The following DGLUCY variants were observed in gnomAD, a reference collection of about 807,000 sequenced individuals.
DGLUCY encodes the protein D-glutamate cyclase.
In DGLUCY, 58 loss-of-function variants were observed where a neutral mutation model predicts 58.5. That is an observed-to-expected ratio of 0.99 (90% CI 0.80 to 1.23). DGLUCY has a LOEUF of 1.23. DGLUCY is among the 50% of genes most tolerant of loss of function. DGLUCY has a pLI of 0.00. For synonymous variants in DGLUCY, 325 were observed against 314.1 expected, an observed-to-expected ratio of 1.03 and a Z score of -0.37; for missense variants, 779 against 784.7, an observed-to-expected ratio of 0.99 and a Z score of 0.09.
intron 1 of DGLUCY, among the ~76,000 whole-genome samples, chr14:91,123,608 A>G (rs1176942930): frequency 6.6e-6 from 1 of 152,062 alleles, no homozygotes; most frequent in Admixed American, 6.6e-5. Context: ...TTTTTTCAAG[A>G]CAGGGTCTCA....
intron 11 of DGLUCY, among the ~76,000 whole-genome samples, chr14:91,204,007 A>G (rs1183496331): frequency 2.7e-5 from 4 of 150,848 alleles, no homozygotes; most frequent in African/African-American, 7.3e-5. Flanking sequence ...ATACAAGGGT[A>G]GAGGTATCTG....
In DGLUCY at chr14:91,216,105, G is replaced by T. The variant is rs146282233; in HGVS notation, c.1716+549G>T. 6.8e-4 allele frequency: 151 copies of T among 222,910 alleles called. 1 individual carries two copies. Among genetic ancestry groups the T allele is most frequent in the East Asian group, 5.2e-3 (47 of 8,982 alleles). The allele number at this position is 222,910 out of a possible 1,614,324, so 13.8% of individuals were successfully genotyped here. On this transcript the variant is annotated intron_variant, in intron 13 of 13. Coordinates refer to ENST00000256324, the MANE Select transcript of DGLUCY (RefSeq NM_001102368.3). ...GAGAGGAATCCCAGCGGGAGGAATG[G>T]GGGGAGCAGGGGCTTGGGAGATGAG...
intron 9 of DGLUCY, among the ~76,000 whole-genome samples, chr14:91,189,589 G>A (rs2049739781): frequency 1.3e-5 from 2 of 152,204 alleles, no homozygotes; most frequent in Non-Finnish European, 1.5e-5. Context: ...TGCACCTGGA[G>A]CACCCAGGTG....
intron 7 of DGLUCY, among the ~76,000 whole-genome samples, chr14:91,176,387 A>T (rs1447046243): frequency 1.3e-5 from 2 of 151,866 alleles, no homozygotes; most frequent in Admixed American, 6.6e-5. Context: ...CACCATGCCC[A>T]GCTAATTTTT....
intron 1 of DGLUCY, among the ~76,000 whole-genome samples, chr14:91,097,360 G>A (rs1194336639): frequency 6.6e-6 from 1 of 151,988 alleles, no homozygotes; most frequent in Non-Finnish European, 1.5e-5. Flanking sequence ...TGCCTCACTG[G>A]ACTCCAGCTT....
chr14:91,218,065 A>G (rs564806423), intron 13 of DGLUCY, among the ~76,000 whole-genome samples: 145 of 152,104 alleles, frequency 9.5e-4, no homozygotes, highest in Non-Finnish European at 1.7e-3. Flanking sequence ...GCTTTTCCCA[A>G]TTCCGCTCAG....
chr14:91,134,296 C>A (rs2046201017), intron 1 of DGLUCY, among the ~76,000 whole-genome samples: 1 of 152,104 alleles, frequency 6.6e-6, no homozygotes, highest in Admixed American at 6.6e-5. Context: ...TGCTGTCTCT[C>A]CATTTATTAG....
At chr14:91,062,328 C>T (rs909718154) in intron 1 of DGLUCY, among the ~76,000 whole-genome samples, 38 of 151,572 alleles carry the variant, frequency 2.5e-4, no homozygotes, top group Non-Finnish European at 2.9e-5. Flanking sequence ...AGATGGATCA[C>T]CTGAGGTCAG....
At chr14:91,125,915 G>A (rs1443982066) in intron 1 of DGLUCY, among the ~76,000 whole-genome samples, 1 of 152,214 alleles carries the variant, frequency 6.6e-6, no homozygotes, top group African/African-American at 2.4e-5. Flanking sequence ...CTGGGTGACA[G>A]AGCAGGACAC....
chr14:91,076,112 C>G (rs913242228), intron 1 of DGLUCY, among the ~76,000 whole-genome samples: 2 of 89,364 alleles, frequency 2.2e-5, no homozygotes, highest in African/African-American at 4.1e-5. Context: ...GACTCTGTCT[C>G]AAAAAAAAAA....
chr14:91,188,148 G>A (rs2049637977), intron 8 of DGLUCY, among the ~76,000 whole-genome samples: 1 of 152,164 alleles, frequency 6.6e-6, no homozygotes, highest in Non-Finnish European at 1.5e-5. Flanking sequence ...AGCAGAAGGG[G>A]ATCTGCTCCA....
At chr14:91,132,395 T>C (rs981575653) in intron 1 of DGLUCY, among the ~76,000 whole-genome samples, 37 of 151,844 alleles carry the variant, frequency 2.4e-4, no homozygotes, top group Admixed American at 6.6e-4. Context: ...TGAGATCCCA[T>C]CTCTACCAAA....
At chr14:91,089,737 C>T (rs1042629651) in intron 1 of DGLUCY, among the ~76,000 whole-genome samples, 1 of 151,338 alleles carries the variant, frequency 6.6e-6, no homozygotes, top group Non-Finnish European at 1.5e-5. Context: ...AGGAGAATCA[C>T]TTGAACCCTG....
intron 12 of DGLUCY, among the ~76,000 whole-genome samples, chr14:91,206,364 G>A (rs1439735351): frequency 1.3e-5 from 2 of 151,942 alleles, no homozygotes; most frequent in Non-Finnish European, 2.9e-5. Flanking sequence ...CATCACTAAA[G>A]GTCCATTTGC....
chr14:91,128,031 G>A (rs1030075111), intron 1 of DGLUCY, among the ~76,000 whole-genome samples: 1 of 151,720 alleles, frequency 6.6e-6, no homozygotes, highest in Non-Finnish European at 1.5e-5. Context: ...CACTTGAGAG[G>A]TGTTGCTCAC....
At chr14:91,065,034 A>C (rs1355343101) in intron 1 of DGLUCY, among the ~76,000 whole-genome samples, 1 of 152,218 alleles carries the variant, frequency 6.6e-6, no homozygotes, top group Non-Finnish European at 1.5e-5. Flanking sequence ...TAGTAAACTT[A>C]GTAAAGCAGA....
intron 1 of DGLUCY, among the ~76,000 whole-genome samples, chr14:91,141,060 C>T (rs1423815452): frequency 1.3e-5 from 2 of 152,034 alleles, no homozygotes; most frequent in Admixed American, 6.6e-5. Context: ...TAGGGTGCTC[C>T]GACTTTCTTG....
intron 12 of DGLUCY, among the ~76,000 whole-genome samples, chr14:91,212,722 G>A (rs917803303): frequency 6.7e-6 from 1 of 148,840 alleles, no homozygotes; most frequent in Non-Finnish European, 1.5e-5. Context: ...TGAAGAAAAG[G>A]CTGGGCGCAG....
chr14:91,061,128 C>A (rs1482838403), intron 1 of DGLUCY, among the ~76,000 whole-genome samples: 1 of 152,100 alleles, frequency 6.6e-6, no homozygotes, highest in Non-Finnish European at 1.5e-5. Flanking sequence ...TGGAGGGTAG[C>A]GCTTATCACC....
Sources: gnomAD v4.1 joint callset for allele counts (sites outside exome capture counted in the v4.1 genomes callset) on GRCh38, gnomAD v4.1.1 for gene constraint, MANE v1.5 for transcripts, NCBI Gene and HGNC (gene_info 2026-07-23, HGNC 2026-07-21) for gene names.